The following NCAM2 variants were observed in gnomAD, a reference collection of about 807,000 sequenced individuals.
The protein encoded by NCAM2 is N-CAM-2.
In NCAM2, 30 loss-of-function variants were observed where a neutral mutation model predicts 98.1. The ratio of observed to expected loss-of-function variants is 0.31; its 90% CI spans 0.23 to 0.41. The LOEUF (loss-of-function observed/expected upper bound fraction) is 0.41. Among genes scored for constraint, NCAM2 ranks in the 10% least tolerant of loss-of-function variants. NCAM2 has a pLI of 1.00. For missense variants in NCAM2, 867 were observed against 1,005.8 expected (o/e 0.86, Z 1.87); for synonymous variants, 368 against 342.4 (o/e 1.07, Z -0.83).
chr21:21,437,064 C>T (rs1978460156), intron 12 of NCAM2, among the ~76,000 whole-genome samples: 1 of 151,946 alleles, frequency 6.6e-6, no homozygotes. Flanking sequence ...CATAAACCAC[C>T]ACGCCTCGCC....
At chr21:21,460,199 A>T (rs1982765426) in intron 12 of NCAM2, among the ~76,000 whole-genome samples, 1 of 151,864 alleles carries the variant, frequency 6.6e-6, no homozygotes, top group African/African-American at 2.4e-5. Flanking sequence ...CATTTTCCTT[A>T]TAATTCGCGT....
intron 1 of NCAM2, among the ~76,000 whole-genome samples, chr21:21,264,670 C>T: frequency 6.7e-6 from 1 of 149,542 alleles, no homozygotes; most frequent in African/African-American, 2.5e-5. Flanking sequence ...TATATATACA[C>T]ACACACACAT....
At chr21:21,533,158 T>A (rs1223689124) in intron 16 of NCAM2, among the ~76,000 whole-genome samples, 1 of 135,610 alleles carries the variant, frequency 7.4e-6, no homozygotes, top group African/African-American at 2.9e-5. Context: ...AGATTTGTTG[T>A]TTGCTTGCTT....
chr21:21,058,159 A>C (rs1452891876), intron 1 of NCAM2, among the ~76,000 whole-genome samples: 1 of 149,700 alleles, frequency 6.7e-6, no homozygotes, highest in Non-Finnish European at 1.5e-5. Flanking sequence ...AAAAAAAAAA[A>C]AAAAAACCCA....
At position 21,425,549 on chromosome 21, in the gene NCAM2, G is replaced by T. The variant is rs147765192; in HGVS notation, c.1481-6559G>T. Among the ~76,000 whole-genome samples the T allele has an allele frequency of 4.0e-3, 613 of 152,014 alleles. 4 individuals carry two copies. Among genetic ancestry groups the T allele is most frequent in the African/African-American group, 0.014 (577 of 41,462 alleles). ...TAATTTCCATTGATATCTTGGTAGT[G>T]AATGAACACTGCTATGGAGAATATT... On this transcript the variant is annotated intron_variant, in intron 11 of 17. Transcript: ENST00000400546.
chr21:21,499,672 CTG>C (rs1324586293), intron 15 of NCAM2, among the ~76,000 whole-genome samples: 2 of 152,166 alleles, frequency 1.3e-5, no homozygotes, highest in East Asian at 3.9e-4. Flanking sequence ...CTACTCTAAA[CTG>C]AATGTTTTTA....
At chr21:21,045,283 A>G (rs554572562) in intron 1 of NCAM2, among the ~76,000 whole-genome samples, 22 of 152,296 alleles carry the variant, frequency 1.4e-4, no homozygotes, top group Middle Eastern at 3.4e-3. Flanking sequence ...AAATAAATAA[A>G]TAAAATACAA....
intron 15 of NCAM2, among the ~76,000 whole-genome samples, chr21:21,480,235 C>T (rs1237498645): frequency 1.3e-5 from 2 of 151,748 alleles, no homozygotes; most frequent in Non-Finnish European, 2.9e-5. Flanking sequence ...GGCGTACTGG[C>T]GGGCGCCTGT....
chr21:21,128,343 T>A (rs758975799), intron 1 of NCAM2, among the ~76,000 whole-genome samples: 30 of 152,094 alleles, frequency 2.0e-4, no homozygotes, highest in Non-Finnish European at 3.5e-4. Context: ...TCACAGGAAA[T>A]TTGTCTAAGG....
chr21:21,445,605 T>C (rs1461726395), intron 12 of NCAM2, among the ~76,000 whole-genome samples: 1 of 152,180 alleles, frequency 6.6e-6, no homozygotes, highest in Non-Finnish European at 1.5e-5. Context: ...CTTTTGTATT[T>C]TTTGATCTTT....
chr21:21,291,018 G>C (rs543006705), intron 4 of NCAM2, among the ~76,000 whole-genome samples: 1 of 129,820 alleles, frequency 7.7e-6, no homozygotes, highest in South Asian at 2.7e-4. Flanking sequence ...CCACAGATAG[G>C]GAAAAAAGCA....
intron 5 of NCAM2, among the ~76,000 whole-genome samples, chr21:21,302,159 A>G (rs2073734543): frequency 1.4e-5 from 2 of 146,420 alleles, no homozygotes; most frequent in Admixed American, 1.3e-4. Flanking sequence ...AGACACATGC[A>G]CACGTATGTT....
chr21:21,502,775 A>C (rs903663990), intron 15 of NCAM2, among the ~76,000 whole-genome samples: 2 of 151,930 alleles, frequency 1.3e-5, no homozygotes, highest in Non-Finnish European at 2.9e-5. Context: ...ATCCAACAAT[A>C]TCTCTTATGA....
intron 1 of NCAM2, among the ~76,000 whole-genome samples, chr21:21,169,476 A>G (rs1313363527): frequency 2.0e-5 from 3 of 152,248 alleles, no homozygotes; most frequent in Admixed American, 6.5e-5. Context: ...TTCTCTTGAA[A>G]GACCCTGTCA....
intron 15 of NCAM2, among the ~76,000 whole-genome samples, chr21:21,479,103 T>G (rs1208388811): frequency 6.6e-6 from 1 of 152,162 alleles, no homozygotes; most frequent in African/African-American, 2.4e-5. Context: ...TCTCCCAAAT[T>G]TTTAATTTAG....
intron 1 of NCAM2, among the ~76,000 whole-genome samples, chr21:21,165,947 T>C (rs1385680223): frequency 6.6e-6 from 1 of 152,166 alleles, no homozygotes; most frequent in African/African-American, 2.4e-5. Flanking sequence ...GACTATGCTA[T>C]GAGAGCTCCC....
chr21:21,170,145 A>G (rs2068075770), intron 1 of NCAM2, among the ~76,000 whole-genome samples: 1 of 152,196 alleles, frequency 6.6e-6, no homozygotes, highest in African/African-American at 2.4e-5. Flanking sequence ...ACATTCATTC[A>G]TTGGTGGCGT....
intron 1 of NCAM2, among the ~76,000 whole-genome samples, chr21:21,006,712 A>G (rs2064119738): frequency 6.6e-6 from 1 of 152,168 alleles, no homozygotes; most frequent in Admixed American, 6.5e-5. Flanking sequence ...GAACATCTTG[A>G]TTTCTGCTGT....
intron 1 of NCAM2, among the ~76,000 whole-genome samples, chr21:21,241,708 T>G (rs1401447521): frequency 8.3e-5 from 9 of 108,768 alleles, no homozygotes; most frequent in African/African-American, 1.6e-4. Context: ...CAAGGCTCTG[T>G]TTTTTTTTTT....
Sources: gnomAD v4.1 joint callset for allele counts (sites outside exome capture counted in the v4.1 genomes callset) on GRCh38, gnomAD v4.1.1 for gene constraint, MANE v1.5 for transcripts, NCBI Gene and HGNC (gene_info 2026-07-23, HGNC 2026-07-21) for gene names.